TWSG1: variants seen among roughly 807,000 people sequenced by gnomAD.
The protein encoded by TWSG1 is twisted gastrulation protein homolog 1.
TWSG1 carries 15 observed loss-of-function variants against 23.0 expected under a neutral mutation model. That is an observed-to-expected ratio of 0.65 (90% CI 0.44 to 1.00). The LOEUF (loss-of-function observed/expected upper bound fraction) is 1.00, where lower values mean the gene tolerates loss of function less well. Among genes scored for constraint, TWSG1 ranks in the 50% least tolerant of loss-of-function variants. The pLI is 0.00. For missense variants in TWSG1, 242 were observed against 278.7 expected, an observed-to-expected ratio of 0.87 and a Z score of 0.94; for synonymous variants, 86 against 92.8, an observed-to-expected ratio of 0.93 and a Z score of 0.42.
rs182071819 is a variant in TWSG1 at position 9,379,234 on chromosome 18, G to A, written c.224-17046G>A. On this transcript the variant is annotated intron_variant, in intron 3 of 4. Coordinates refer to ENST00000262120, the MANE Select transcript of TWSG1 (RefSeq NM_020648.6). ...AGACACATATGTTCATTTCAGCACT[G>A]TTCACAATAGCAAAGACATGGAATC... is the stretch of plus-strand genomic sequence containing the variant. Among the ~76,000 whole-genome samples, 36 of 152,266 alleles carry A rather than the reference G, an allele frequency of 2.4e-4. No individual in the cohort carries two copies. The East Asian group carries it at 2.9e-3, about 12-fold the overall frequency.
At chr18:9,351,667 C>CA (rs1462639367) in intron 2 of TWSG1, among the ~76,000 whole-genome samples, 4 of 140,330 alleles carry the variant, frequency 2.9e-5, no homozygotes, top group Non-Finnish European at 4.5e-5. Flanking sequence ...TTTTTTGAGA[C>CA]AGAGTCTCGC....
chr18:9,356,422 C>A (rs1369411462), intron 2 of TWSG1, among the ~76,000 whole-genome samples: 1 of 152,138 alleles, frequency 6.6e-6, no homozygotes, highest in African/African-American at 2.4e-5. Flanking sequence ...TCACAAATAC[C>A]TGACAGTAAA....
At chr18:9,343,790 A>G (rs2040459235) in intron 2 of TWSG1, among the ~76,000 whole-genome samples, 2 of 152,126 alleles carry the variant, frequency 1.3e-5, no homozygotes, top group African/African-American at 4.8e-5. Context: ...ACCACATTTT[A>G]TTTATCCATT....
chr18:9,337,004 T>C (rs566639863), intron 1 of TWSG1, among the ~76,000 whole-genome samples, 189 bp from the exon 2 acceptor site: 237 of 152,214 alleles, frequency 1.6e-3, no homozygotes, highest in Admixed American at 5.2e-3. Context: ...AACCCAGGAA[T>C]TGAAGGCTGC....
At chr18:9,369,893 T>G (rs1202491854) in intron 3 of TWSG1, among the ~76,000 whole-genome samples, 1 of 152,230 alleles carries the variant, frequency 6.6e-6, no homozygotes, top group Non-Finnish European at 1.5e-5. Flanking sequence ...TGCAAATATT[T>G]TTTCCCATTC....
intron 3 of TWSG1, among the ~76,000 whole-genome samples, chr18:9,378,350 C>T (rs746955913): frequency 4.6e-5 from 7 of 152,134 alleles, no homozygotes; most frequent in South Asian, 2.1e-4. Context: ...CAACACAATT[C>T]TATATCTAGA....
At chr18:9,370,796 G>A (rs1485166362) in intron 3 of TWSG1, among the ~76,000 whole-genome samples, 1 of 152,094 alleles carries the variant, frequency 6.6e-6, no homozygotes, top group East Asian at 1.9e-4. Flanking sequence ...ATTCATTTAA[G>A]TATCCTTTTC....
chr18:9,353,932 A>G (rs1328399436), intron 2 of TWSG1, among the ~76,000 whole-genome samples: 2 of 152,246 alleles, frequency 1.3e-5, no homozygotes, highest in Non-Finnish European at 2.9e-5. Flanking sequence ...ACCTTTACAA[A>G]CAATGATTAA....
chr18:9,337,964 C>T (rs565213466), intron 2 of TWSG1, among the ~76,000 whole-genome samples: 10 of 152,306 alleles, frequency 6.6e-5, no homozygotes, highest in Admixed American at 2.0e-4. Context: ...CAAGGCAGGC[C>T]TCTTAATGTA....
At chr18:9,344,285 A>G (rs1389102507) in intron 2 of TWSG1, among the ~76,000 whole-genome samples, 2 of 152,138 alleles carry the variant, frequency 1.3e-5, no homozygotes, top group Admixed American at 1.3e-4. Flanking sequence ...TGTGTTTAAC[A>G]TTTTGAGGAA....
At chr18:9,354,918 A>G (rs1318347000) in intron 2 of TWSG1, among the ~76,000 whole-genome samples, 1 of 152,114 alleles carries the variant, frequency 6.6e-6, no homozygotes, top group Non-Finnish European at 1.5e-5. Context: ...CTGGTTATAG[A>G]AGACATGTGT....
intron 2 of TWSG1, among the ~76,000 whole-genome samples, chr18:9,357,036 C>T (rs2040530319): frequency 1.4e-5 from 2 of 147,862 alleles, no homozygotes; most frequent in South Asian, 4.3e-4. Flanking sequence ...AAAGTGCGTA[C>T]TCAGAAAATG....
chr18:9,369,188 G>A (rs2040593461), intron 3 of TWSG1, among the ~76,000 whole-genome samples: 1 of 152,074 alleles, frequency 6.6e-6, no homozygotes, highest in Non-Finnish European at 1.5e-5. Flanking sequence ...TTGATGATTA[G>A]TGATTTTGAG....
intron 3 of TWSG1, among the ~76,000 whole-genome samples, chr18:9,392,094 T>C (rs1302465409): frequency 1.3e-5 from 2 of 152,226 alleles, no homozygotes; most frequent in African/African-American, 2.4e-5. Context: ...AGCATTGGCT[T>C]CAACCCAAAG....
At chr18:9,397,532 C>G (rs767887401) in intron 4 of TWSG1, among the ~76,000 whole-genome samples, 8 of 152,164 alleles carry the variant, frequency 5.3e-5, no homozygotes, top group Non-Finnish European at 1.2e-4. Flanking sequence ...GAGCATGTGA[C>G]TTTTATAAAA....
chr18:9,359,924 A>T (rs905136513), intron 2 of TWSG1, 48 bp from the exon 3 acceptor site: 2 of 1,500,552 alleles, frequency 1.3e-6, no homozygotes, highest in Non-Finnish European at 1.8e-6. Flanking sequence ...TAGCAGTTTT[A>T]TATATGATTA....
intron 2 of TWSG1, among the ~76,000 whole-genome samples, chr18:9,347,760 A>C (rs2040484067): frequency 6.6e-6 from 1 of 152,068 alleles, no homozygotes; most frequent in South Asian, 2.1e-4. Context: ...TTTTAGCAAT[A>C]ACTTTTACAT....
intron 3 of TWSG1, among the ~76,000 whole-genome samples, chr18:9,375,227 G>A (rs1388811760): frequency 2.2e-5 from 3 of 136,906 alleles, no homozygotes; most frequent in East Asian, 2.1e-4. Context: ...AGTTAAAAAA[G>A]AAAAAAAAAT....
At chr18:9,340,481 A>C (rs187964871) in intron 2 of TWSG1, among the ~76,000 whole-genome samples, 18 of 151,286 alleles carry the variant, frequency 1.2e-4, no homozygotes, top group African/African-American at 3.6e-4. Context: ...GATTAGTTCC[A>C]CTCTTCACCT....
Sources: allele counts gnomAD v4.1 joint callset (sites outside exome capture counted in the v4.1 genomes callset), GRCh38; gene constraint gnomAD v4.1.1; transcripts MANE v1.5; gene names NCBI Gene and HGNC (gene_info 2026-07-23, HGNC 2026-07-21).